The following ST3GAL4 variants were observed in gnomAD, a reference collection of about 807,000 sequenced individuals.
ST3GAL4 encodes the protein ST3 beta-galactoside alpha-2,3-sialyltransferase 4.
In ST3GAL4, 24 loss-of-function variants were observed where a neutral mutation model predicts 42.6. That is an observed-to-expected ratio of 0.56 (90% CI 0.41 to 0.79). The LOEUF is 0.79. ST3GAL4 is among the 30% of genes least tolerant of loss of function. The pLI is 0.00. For missense variants in ST3GAL4, 311 were observed against 430.8 expected, an observed-to-expected ratio of 0.72 and a Z score of 2.46; for synonymous variants, 135 against 163.2, an observed-to-expected ratio of 0.83 and a Z score of 1.32.
intron 1 of ST3GAL4, chr11:126,405,822 A>G (rs1327423327): frequency 1.0e-5 from 5 of 487,494 alleles, no homozygotes; most frequent in Non-Finnish European, 1.9e-5. Flanking sequence ...GAGAGGCTGG[A>G]GTAGGCCAGC....
In ST3GAL4 at chr11:126,409,553, T is replaced by C; in HGVS notation, c.771+142T>C. 1 of 1,177,690 alleles carries C rather than the reference T, an allele frequency of 8.5e-7. No individual in the cohort carries two copies. The highest frequency in any genetic ancestry group is 1.2e-6 in the Non-Finnish European group (1 of 836,250). The allele number at this position is 1,177,690 out of a possible 1,614,324, so 73.0% of individuals were successfully genotyped here. ...TTCCCTCCAGGAACACACCTGTCAT[T>C]AAAGTTGCTGCTGCAAAGGGGAGTG... On this transcript the variant is annotated intron_variant, in intron 9 of 10. Coordinates refer to ENST00000444328, the MANE Select transcript of ST3GAL4 (RefSeq NM_001254757.2). The surrounding 1 kb of genome is among the most constrained non-coding windows in gnomAD (Gnocchi z 4.9).
intron 1 of ST3GAL4, among the ~76,000 whole-genome samples, chr11:126,368,020 C>T (rs778779833): frequency 3.3e-5 from 5 of 151,872 alleles, no homozygotes; most frequent in East Asian, 3.9e-4. Context: ...TAATGGCGCG[C>T]GCCTGTGATC....
Position 126,396,557 on chromosome 11 carries a change from G to A in ST3GAL4, c.-60-9539G>A, listed in dbSNP as rs1371675177. On this transcript the variant is annotated intron_variant, in intron 1 of 10. Coordinates refer to ENST00000444328, the MANE Select transcript of ST3GAL4 (RefSeq NM_001254757.2). This position sits in a 1 kb window ranked among gnomAD's most constrained non-coding sequence, Gnocchi z 5.8. ...AGACTGTGTCTCGTGCGGAAGCGTG[G>A]CTGAGAAGGGGCTCGACAGGCTCTT... 6.6e-6 allele frequency among the ~76,000 whole-genome samples: 1 copy of A among 151,920 alleles called. No individual in the cohort carries two copies. Among genetic ancestry groups the A allele is most frequent in the Non-Finnish European group, 1.5e-5 (1 of 68,026 alleles).
Position 126,408,293 on chromosome 11 carries a change from C to T in ST3GAL4, c.438-14C>T. 6.2e-7 allele frequency: 1 copy of T among 1,613,278 alleles called. No individual in the cohort carries two copies. The highest frequency in any genetic ancestry group is 8.5e-7 in the Non-Finnish European group (1 of 1,179,244). ...GAGGCCTCTAGTGATGGGAATCCTCCTCCCAACCCCCAGATTGAACAATGC... is the reference window on the plus strand; with the variant it reads ...GAGGCCTCTAGTGATGGGAATCCTCTTCCCAACCCCCAGATTGAACAATGC... On this transcript the variant is annotated splice_polypyrimidine_tract_variant and intron_variant, in intron 7 of 10. Coordinates refer to ENST00000444328, the MANE Select transcript of ST3GAL4 (RefSeq NM_001254757.2).
chr11:126,372,519 C>T (rs1292341223), intron 1 of ST3GAL4, among the ~76,000 whole-genome samples: 1 of 151,634 alleles, frequency 6.6e-6, no homozygotes, highest in East Asian at 1.9e-4. Context: ...TGGGTTCAAG[C>T]GATTCTCCTG....
chr11:126,388,391 C>G (rs1318820514), intron 1 of ST3GAL4, among the ~76,000 whole-genome samples: 1 of 151,578 alleles, frequency 6.6e-6, no homozygotes, highest in Non-Finnish European at 1.5e-5. Context: ...AGTGAAGTGG[C>G]TTAATCCTGG....
At chr11:126,360,030 G>T (rs957428382) in intron 1 of ST3GAL4, among the ~76,000 whole-genome samples, 4 of 152,216 alleles carry the variant, frequency 2.6e-5, no homozygotes, top group African/African-American at 9.6e-5. Context: ...CCTCCTTGAT[G>T]CCCGTCCTGG....
chr11:126,363,890 G>C lies in ST3GAL4; in HGVS notation c.-61+8048G>C, dbSNP rs74852036. 6.6e-6 allele frequency among the ~76,000 whole-genome samples: 1 copy of C among 152,196 alleles called. No homozygotes were observed. Among genetic ancestry groups the C allele is most frequent in the Non-Finnish European group, 1.5e-5 (1 of 68,030 alleles). The stretch of plus-strand genomic sequence containing the variant: ...TCCCCACCCTCCCAGGCCCGGCACC[G>C]TGTCGCCCTGCCCCAGCCCAGAGCT... On this transcript the variant is annotated intron_variant, in intron 1 of 10. Transcript: ENST00000444328. This position sits in a 1 kb window ranked among gnomAD's most constrained non-coding sequence, Gnocchi z 4.6.
In ST3GAL4 at chr11:126,403,491, G is replaced by A. The variant is rs12574844; in HGVS notation, c.-60-2605G>A. The A allele has an allele frequency of 0.07, 67,856 of 974,304 alleles. 2,741 individuals carry two copies. Among genetic ancestry groups the A allele is most frequent in the East Asian group, 0.27 (2,361 of 8,742 alleles). 60.4% of individuals were successfully genotyped at this position (974,304 alleles called of 1,614,324 possible). On this transcript the variant is annotated intron_variant, in intron 1 of 10. Coordinates refer to ENST00000444328, the MANE Select transcript of ST3GAL4 (RefSeq NM_001254757.2). Reference sequence around the variant, plus strand: ...CATTTTAGAATCACAGAGGAGGTACGGCGCTGATTTGTTTTACTATTCCCT... The same window carrying A: ...CATTTTAGAATCACAGAGGAGGTACAGCGCTGATTTGTTTTACTATTCCCT...
intron 1 of ST3GAL4, among the ~76,000 whole-genome samples, chr11:126,387,219 C>A (rs1462269014): frequency 6.6e-6 from 1 of 152,206 alleles, no homozygotes; most frequent in Non-Finnish European, 1.5e-5. Flanking sequence ...TTTAAAAATC[C>A]CATTTACCCA....
rs1738659047 is a variant in ST3GAL4 at position 126,398,295 on chromosome 11, G to T, written c.-60-7801G>T. On this transcript the variant is annotated intron_variant, in intron 1 of 10. Transcript: ENST00000444328. The surrounding 1 kb of genome is among the most constrained non-coding windows in gnomAD (Gnocchi z 4.7). ...GATAGGCAAGAAGAAAGGGGCAACTGGTCCAGACAACTCCAGAACCCAGCA... is the reference window on the plus strand; with the variant it reads ...GATAGGCAAGAAGAAAGGGGCAACTTGTCCAGACAACTCCAGAACCCAGCA... Among the ~76,000 whole-genome samples, 1 of 152,230 alleles carries T rather than the reference G, an allele frequency of 6.6e-6. No homozygotes were observed. The highest frequency in any genetic ancestry group is 2.1e-4 in the South Asian group (1 of 4,836).
chr11:126,372,242 G>A (rs1190879002), intron 1 of ST3GAL4, among the ~76,000 whole-genome samples: 1 of 152,138 alleles, frequency 6.6e-6, no homozygotes, highest in Admixed American at 6.6e-5. Context: ...GTCCTTGGCA[G>A]CCGCCATTCT....
rs566982018 is a variant in ST3GAL4 at position 126,386,368 on chromosome 11, T to A, written c.-60-19728T>A. On this transcript the variant is annotated intron_variant, in intron 1 of 10. Coordinates refer to ENST00000444328, the MANE Select transcript of ST3GAL4 (RefSeq NM_001254757.2). The surrounding 1 kb of genome is among the most constrained non-coding windows in gnomAD (Gnocchi z 4.7). ...TGCTCGAGTCAGTGCCCTCCCTGCT[T>A]GCATTCGGCCCACAGGCCTTGTGGC... Among the ~76,000 whole-genome samples, 13 of 152,086 alleles carry A rather than the reference T, an allele frequency of 8.5e-5. No homozygotes were observed. Among genetic ancestry groups the A allele is most frequent in the Non-Finnish European group, 1.8e-4 (12 of 68,022 alleles).
intron 1 of ST3GAL4, among the ~76,000 whole-genome samples, chr11:126,395,999 T>G (rs746208603): frequency 6.6e-6 from 1 of 151,064 alleles, no homozygotes; most frequent in Non-Finnish European, 1.5e-5. Flanking sequence ...CATGGGGTTT[T>G]GGGGCTGAGG....
At position 126,398,993 on chromosome 11, in the gene ST3GAL4, G is replaced by A. The variant is rs762847423; in HGVS notation, c.-60-7103G>A. ...CCTTCCCTCAGATTTTGGCACTGCC[G>A]GAGCTGTGATCACAGGTCATCTCTG... is the stretch of plus-strand genomic sequence containing the variant. On this transcript the variant is annotated intron_variant, in intron 1 of 10. Transcript: ENST00000444328. This position sits in a 1 kb window ranked among gnomAD's most constrained non-coding sequence, Gnocchi z 4.7. Among the ~76,000 whole-genome samples, 3 of 152,118 alleles carry A rather than the reference G, an allele frequency of 2.0e-5. No homozygotes were observed. Among genetic ancestry groups the A allele is most frequent in the Non-Finnish European group, 4.4e-5 (3 of 68,010 alleles).
intron 1 of ST3GAL4, among the ~76,000 whole-genome samples, chr11:126,382,884 C>A (rs1293194981): frequency 6.6e-6 from 1 of 152,260 alleles, no homozygotes; most frequent in East Asian, 1.9e-4. Flanking sequence ...AGCCTCAGGG[C>A]TTGAGCCCAG....
rs538670117 is a variant in ST3GAL4, at chr11:126,383,095, G to T, written c.-60-23001G>T. 3.3e-5 allele frequency among the ~76,000 whole-genome samples: 5 copies of T among 152,318 alleles called. No individual in the cohort carries two copies. In the South Asian group the frequency reaches 8.3e-4, roughly 25 times the overall value. ...TGCCCTCCATGGGGCAGCAGGCTCT[G>T]CAGTACCCTCGGCCAAATGGCCACA... On this transcript the variant is annotated intron_variant, in intron 1 of 10. Coordinates refer to ENST00000444328, the MANE Select transcript of ST3GAL4 (RefSeq NM_001254757.2). This position sits in a 1 kb window ranked among gnomAD's most constrained non-coding sequence, Gnocchi z 4.5.
chr11:126,378,905 A>C lies in ST3GAL4; in HGVS notation c.-61+23063A>C, dbSNP rs1301191963. 2.0e-5 allele frequency among the ~76,000 whole-genome samples: 3 copies of C among 152,200 alleles called. No individual in the cohort carries two copies. Among genetic ancestry groups the C allele is most frequent in the African/African-American group, 7.2e-5 (3 of 41,454 alleles). ...GAATCTAGTCTTCATAATCTGTGTCAAACCTAAGAATTTGAGTACAGAGGG... is the reference window on the plus strand; with the variant it reads ...GAATCTAGTCTTCATAATCTGTGTCCAACCTAAGAATTTGAGTACAGAGGG... On this transcript the variant is annotated intron_variant, in intron 1 of 10. Transcript: ENST00000444328. This position sits in a 1 kb window ranked among gnomAD's most constrained non-coding sequence, Gnocchi z 5.3.
chr11:126,402,096 G>GGGGGC (rs1329112978), intron 1 of ST3GAL4, among the ~76,000 whole-genome samples: 3 of 149,012 alleles, frequency 2.0e-5, no homozygotes, highest in Admixed American at 6.7e-5. Context: ...GGGGAAAGAG[G>GGGGGC]GGAGGTAGGA....
Sources: gnomAD v4.1 joint callset for allele counts (sites outside exome capture counted in the v4.1 genomes callset) on GRCh38, gnomAD v4.1.1 for gene constraint, Gnocchi (gnomAD v3.1) non-coding constraint, MANE v1.5 for transcripts, NCBI Gene and HGNC (gene_info 2026-07-23, HGNC 2026-07-21) for gene names.